Variants in DDC observed in about 807,000 individuals in gnomAD.
The protein encoded by DDC is dopa decarboxylase, also known as aromatic-L-amino-acid decarboxylase.
Under a neutral mutation model 60.0 loss-of-function variants are expected in DDC, and 43 were observed. The ratio of observed to expected loss-of-function variants is 0.72; its 90% CI spans 0.56 to 0.92. The LOEUF (loss-of-function observed/expected upper bound fraction) is 0.92, where lower values mean the gene tolerates loss of function less well. Among genes scored for constraint, DDC ranks in the 40% least tolerant of loss-of-function variants. The pLI, the probability that DDC is intolerant of heterozygous loss-of-function variation, is 0.00. For synonymous variants in DDC, 232 were observed against 234.6 expected (o/e 0.99, Z 0.10); for missense variants, 573 against 620.2 (o/e 0.92, Z 0.81).
intron 12 of DDC, among the ~76,000 whole-genome samples, chr7:50,468,077 C>T (rs1585137488): frequency 1.3e-5 from 2 of 152,282 alleles, no homozygotes; most frequent in Non-Finnish European, 2.9e-5. Flanking sequence ...CATTCTAAGC[C>T]CGCGGATACA....
intron 9 of DDC, among the ~76,000 whole-genome samples, chr7:50,483,312 C>T (rs190905984): frequency 6.6e-6 from 1 of 152,270 alleles, no homozygotes; most frequent in Non-Finnish European, 1.5e-5. Flanking sequence ...TAAAAATCTT[C>T]TACTATTAAA....
intron 1 of DDC, among the ~76,000 whole-genome samples, chr7:50,550,879 G>T (rs535624028): frequency 4.1e-4 from 63 of 152,198 alleles, no homozygotes; most frequent in Non-Finnish European, 7.3e-4. Context: ...TTCACAAGAG[G>T]TATGCCCGTA....
At chr7:50,499,959 G>C (rs2043211701) in intron 7 of DDC, among the ~76,000 whole-genome samples, 2 of 152,320 alleles carry the variant, frequency 1.3e-5, no homozygotes, top group South Asian at 4.2e-4. Flanking sequence ...GGAAGATGGA[G>C]ATGAAATAGT....
At chr7:50,506,408 A>T (rs747983788) in intron 6 of DDC, among the ~76,000 whole-genome samples, 6 of 152,204 alleles carry the variant, frequency 3.9e-5, no homozygotes, top group Admixed American at 3.3e-4. Flanking sequence ...AATGTAAATG[A>T]CGAGTTAATG....
chr7:50,459,599 C>G (rs2042208450), intron 14 of DDC: 1 of 175,770 alleles, frequency 5.7e-6, no homozygotes, highest in African/African-American at 2.4e-5. Context: ...GGGAGCGCCT[C>G]TGCCCCGCCG....
At chr7:50,511,240 T>C (rs1044786605) in intron 6 of DDC, among the ~76,000 whole-genome samples, 8 of 151,608 alleles carry the variant, frequency 5.3e-5, no homozygotes, top group Admixed American at 3.3e-4. Context: ...TGTACATATA[T>C]GTATATATGA....
intron 5 of DDC, 130 bp downstream of exon 5, chr7:50,529,078 T>A: frequency 8.2e-7 from 1 of 1,219,800 alleles, no homozygotes; most frequent in Non-Finnish European, 1.2e-6. Context: ...GTAGTTCAGG[T>A]CTCTATTTAG....
Position 50,499,142 on chromosome 7 carries a change from A to C in DDC, c.876+6T>G, listed in dbSNP as rs1585188091. On this transcript the variant is annotated splice_donor_region_variant and intron_variant, in intron 8 of 14. Transcript: ENST00000444124. Reference sequence around the variant, plus strand: ...CAGCCTTAGGGAGAGCGAAGGGTGCACCTACCTCCACTCCATTCAGAAGGT... The same window carrying C: ...CAGCCTTAGGGAGAGCGAAGGGTGCCCCTACCTCCACTCCATTCAGAAGGT... 6.2e-7 allele frequency: 1 copy of C among 1,609,824 alleles called. No individual in the cohort carries two copies. The highest frequency in any genetic ancestry group is 8.5e-7 in the Non-Finnish European group (1 of 1,176,150).
At chr7:50,529,772 C>T (rs1048963579) in intron 4 of DDC, among the ~76,000 whole-genome samples, 2 of 152,128 alleles carry the variant, frequency 1.3e-5, no homozygotes, top group African/African-American at 2.4e-5. Flanking sequence ...AATAGGGGTG[C>T]ATTTTCCTTG....
At chr7:50,563,360 T>G (rs1178795158) in intron 1 of DDC, among the ~76,000 whole-genome samples, 1 of 152,176 alleles carries the variant, frequency 6.6e-6, no homozygotes, top group Non-Finnish European at 1.5e-5. Context: ...TTTTTAGGTA[T>G]TTGATTCCAT....
chr7:50,517,031 T>C (rs2153543156), intron 6 of DDC, among the ~76,000 whole-genome samples: 1 of 152,074 alleles, frequency 6.6e-6, no homozygotes, highest in African/African-American at 2.4e-5. Context: ...TTTGACACTA[T>C]TACAGAAGAT....
rs112213162 is a variant in DDC, at chr7:50,526,134, T to G, written c.714+2003A>C. 1.9e-3 allele frequency among the ~76,000 whole-genome samples: 293 copies of G among 152,266 alleles called. 2 individuals carry two copies. Among genetic ancestry groups the G allele is most frequent in the African/African-American group, 6.7e-3 (278 of 41,562 alleles). On this transcript the variant is annotated intron_variant, in intron 6 of 14. Coordinates refer to ENST00000444124, the MANE Select transcript of DDC (RefSeq NM_001082971.2). ...GAGTAAATAAAAAGAAAATTATCCT[T>G]GTATCACAGTAAAACAAAGACAAAA...
chr7:50,555,466 C>A (rs1347467295), intron 1 of DDC, among the ~76,000 whole-genome samples: 1 of 152,136 alleles, frequency 6.6e-6, no homozygotes, highest in African/African-American at 2.4e-5. Flanking sequence ...CAAGGCAGAA[C>A]CCCTGTTTCC....
chr7:50,522,434 G>A (rs183290763), intron 6 of DDC, among the ~76,000 whole-genome samples: 2 of 152,288 alleles, frequency 1.3e-5, no homozygotes, highest in African/African-American at 2.4e-5. Flanking sequence ...ATGCTTATAT[G>A]AAGAGGCAAA....
intron 4 of DDC, among the ~76,000 whole-genome samples, chr7:50,535,770 C>A (rs1404718451): frequency 6.6e-6 from 1 of 152,146 alleles, no homozygotes; most frequent in Non-Finnish European, 1.5e-5. Flanking sequence ...GGTCTTGGTC[C>A]CCAGAATCTG....
At chr7:50,523,999 A>T (rs930284348) in intron 6 of DDC, among the ~76,000 whole-genome samples, 2 of 152,256 alleles carry the variant, frequency 1.3e-5, no homozygotes, top group Non-Finnish European at 2.9e-5. Flanking sequence ...AAAAAGAAAT[A>T]AACTAGTACA....
chr7:50,511,517 A>C (rs1291854269), intron 6 of DDC, among the ~76,000 whole-genome samples: 2 of 152,308 alleles, frequency 1.3e-5, no homozygotes, highest in Admixed American at 1.3e-4. Flanking sequence ...TCACAAGGTC[A>C]GGAGATTGAG....
At chr7:50,475,105 A>C (rs76213345) in intron 11 of DDC, among the ~76,000 whole-genome samples, 298 of 152,318 alleles carry the variant, frequency 2.0e-3, no homozygotes, top group African/African-American at 6.7e-3. Context: ...TTTTAGTTTC[A>C]GTGCCATGAG....
chr7:50,506,722 C>T (rs1186680259), intron 6 of DDC, among the ~76,000 whole-genome samples: 1 of 152,232 alleles, frequency 6.6e-6, no homozygotes, highest in East Asian at 1.9e-4. Context: ...CACATTGGCA[C>T]CTGGCTGGGC....
Sources: gnomAD v4.1 joint callset for allele counts (sites outside exome capture counted in the v4.1 genomes callset) on GRCh38, gnomAD v4.1.1 for gene constraint, MANE v1.5 for transcripts, NCBI Gene and HGNC (gene_info 2026-07-23, HGNC 2026-07-21) for gene names.